The following BTBD9 variants were observed in gnomAD, a reference collection of about 807,000 sequenced individuals.
BTBD9 encodes BTB domain containing 9, also known as BTB/POZ domain-containing protein 9.
Under a neutral mutation model 64.3 loss-of-function variants are expected in BTBD9, and 49 were observed. The ratio of observed to expected loss-of-function variants is 0.76; its 90% CI spans 0.61 to 0.97. The LOEUF (loss-of-function observed/expected upper bound fraction) is 0.97, where lower values mean the gene tolerates loss of function less well. Among genes scored for constraint, BTBD9 ranks in the 50% least tolerant of loss-of-function variants. The probability of loss-of-function intolerance (pLI) is 0.00; values close to 1 mark genes in which losing one functional copy is unlikely to be tolerated. For missense variants in BTBD9, 598 were observed against 762.1 expected, an observed-to-expected ratio of 0.78 and a Z score of 2.53; for synonymous variants, 260 against 274.7, an observed-to-expected ratio of 0.95 and a Z score of 0.53.
At position 38,175,009 on chromosome 6, in the gene BTBD9, G is replaced by T. The variant is rs1413539550; in HGVS notation, c.1815C>A (p.Arg605=). Residue 605 remains arginine, a synonymous_variant, in exon 11 of 11, where the codon CGC becomes CGA. Transcript: ENST00000481247. ...SLPSSPGSNS[R]SPNRQHQ is the part of the protein sequence containing the mutation. ...TTTATTGGTGCTGCCGGTTGGGGGAGCGTGAGTTGGAGCCTGGGCTGGAGG... is the reference window on the plus strand; with the variant it reads ...TTTATTGGTGCTGCCGGTTGGGGGATCGTGAGTTGGAGCCTGGGCTGGAGG... The T allele has an allele frequency of 6.2e-7, 1 of 1,614,056 alleles. No individual in the cohort carries two copies. The highest frequency in any genetic ancestry group is 1.1e-5 in the South Asian group (1 of 91,084).
chr6:38,554,633 A>G (rs575308998), intron 6 of BTBD9, among the ~76,000 whole-genome samples: 9 of 152,356 alleles, frequency 5.9e-5, no homozygotes, highest in Non-Finnish European at 1.0e-4. Flanking sequence ...TCAACTGTGC[A>G]TTGTAATTTC....
Position 38,304,002 on chromosome 6 carries a change from A to T in BTBD9, c.1265-15541T>A, listed in dbSNP as rs570838998. On this transcript the variant is annotated intron_variant, in intron 7 of 10. Transcript: ENST00000481247. Reference sequence around the variant, plus strand: ...ATAGCATACTATTCTTTCTACTTTGATCTCGACATAATTATTCATTAATGT... The same window carrying T: ...ATAGCATACTATTCTTTCTACTTTGTTCTCGACATAATTATTCATTAATGT... Among the ~76,000 whole-genome samples the T allele has an allele frequency of 2.0e-4, 30 of 148,890 alleles. No homozygotes were observed. In the East Asian group the frequency reaches 6.0e-3, roughly 30 times the overall value.
chr6:38,282,995 G>A (rs1761578569), intron 8 of BTBD9, among the ~76,000 whole-genome samples: 1 of 152,196 alleles, frequency 6.6e-6, no homozygotes, highest in African/African-American at 2.4e-5. Flanking sequence ...CATATCCCCA[G>A]TGCCTACAAT....
At chr6:38,378,543 A>G (rs1448818268) in intron 6 of BTBD9, among the ~76,000 whole-genome samples, 1 of 151,176 alleles carries the variant, frequency 6.6e-6, no homozygotes, top group Non-Finnish European at 1.5e-5. Flanking sequence ...CCCTAAACGA[A>G]ACACTTAAAC....
chr6:38,311,441 TTG>T (rs1367340135), intron 7 of BTBD9, among the ~76,000 whole-genome samples: 1 of 152,230 alleles, frequency 6.6e-6, no homozygotes, highest in African/African-American at 2.4e-5. Flanking sequence ...AAGTGCTCCA[TTG>T]TGTGTATGTA....
chr6:38,485,072 G>T (rs531257647), intron 6 of BTBD9, among the ~76,000 whole-genome samples: 1 of 152,306 alleles, frequency 6.6e-6, no homozygotes, highest in Non-Finnish European at 1.5e-5. Flanking sequence ...AACTAAGTTT[G>T]TGTGACAGCC....
At chr6:38,333,054 G>A (rs1429289852) in intron 7 of BTBD9, among the ~76,000 whole-genome samples, 1 of 152,168 alleles carries the variant, frequency 6.6e-6, no homozygotes, top group Non-Finnish European at 1.5e-5. Flanking sequence ...GTAGGTCAGG[G>A]GTGGATGGTT....
chr6:38,449,342 A>T (rs1395630689), intron 6 of BTBD9, among the ~76,000 whole-genome samples: 1 of 152,232 alleles, frequency 6.6e-6, no homozygotes, highest in Non-Finnish European at 1.5e-5. Context: ...ACAAAGCTGG[A>T]GGCATCACAC....
chr6:38,385,338 T>C (rs1302694810), intron 6 of BTBD9, among the ~76,000 whole-genome samples: 1 of 151,524 alleles, frequency 6.6e-6, no homozygotes, highest in African/African-American at 2.4e-5. Flanking sequence ...TACAGGTGCC[T>C]GGCACCACAC....
chr6:38,532,814 G>A (rs1007081383), intron 6 of BTBD9, among the ~76,000 whole-genome samples: 1 of 151,854 alleles, frequency 6.6e-6, no homozygotes, highest in African/African-American at 2.4e-5. Context: ...CCTTGGATGA[G>A]ACTCAGCATA....
intron 8 of BTBD9, among the ~76,000 whole-genome samples, chr6:38,282,011 C>T (rs973521315): frequency 2.0e-5 from 3 of 152,086 alleles, no homozygotes; most frequent in African/African-American, 7.2e-5. Flanking sequence ...TATTTGAGTT[C>T]TCATACTAGC....
At position 38,452,883 on chromosome 6, in the gene BTBD9, G is replaced by T. The variant is rs369799341; in HGVS notation, c.1155-107790C>A. On this transcript the variant is annotated intron_variant, in intron 6 of 10. Transcript: ENST00000481247. ...TTATGCCTTTTCCTTAATGTGATACGGAAACTGAGGAAAAGGACATCAATT... is the reference window on the plus strand; with the variant it reads ...TTATGCCTTTTCCTTAATGTGATACTGAAACTGAGGAAAAGGACATCAATT... Among the ~76,000 whole-genome samples, 279 of 152,094 alleles carry T rather than the reference G, an allele frequency of 1.8e-3. 3 individuals carry two copies. Among genetic ancestry groups the T allele is most frequent in the African/African-American group, 6.4e-3 (265 of 41,520 alleles).
In BTBD9 at chr6:38,343,557, T is replaced by C. The variant is rs79090646; in HGVS notation, c.1264+1427A>G. Among the ~76,000 whole-genome samples the C allele has an allele frequency of 1.4e-3, 208 of 152,230 alleles. 1 individual carries two copies. The East Asian group carries it at 0.033, about 24-fold the overall frequency. On this transcript the variant is annotated intron_variant, in intron 7 of 10. Coordinates refer to ENST00000481247, the MANE Select transcript of BTBD9 (RefSeq NM_001099272.2). The stretch of plus-strand genomic sequence containing the variant: ...GAGGCCTACAGTCTATGGAAGAGCC[T>C]GGACAACAGGTGAAAAAGAATGCCC...
intron 6 of BTBD9, among the ~76,000 whole-genome samples, chr6:38,355,841 T>G (rs1764706928): frequency 6.6e-6 from 1 of 152,148 alleles, no homozygotes; most frequent in South Asian, 2.1e-4. Flanking sequence ...CTTCTCTCAT[T>G]TTGGTGGAGT....
At chr6:38,406,266 A>G (rs748674250) in intron 6 of BTBD9, among the ~76,000 whole-genome samples, 36 of 152,224 alleles carry the variant, frequency 2.4e-4, no homozygotes, top group Admixed American at 2.0e-3. Flanking sequence ...GCATCAGCAT[A>G]GGCCAAAGGC....
At chr6:38,539,358 C>T (rs546839517) in intron 6 of BTBD9, among the ~76,000 whole-genome samples, 1 of 152,104 alleles carries the variant, frequency 6.6e-6, no homozygotes, top group Non-Finnish European at 1.5e-5. Flanking sequence ...ATATTTATTC[C>T]TCTAAACAAA....
intron 8 of BTBD9, among the ~76,000 whole-genome samples, chr6:38,271,100 A>G (rs1765183058): frequency 6.6e-6 from 1 of 152,222 alleles, no homozygotes; most frequent in Non-Finnish European, 1.5e-5. Flanking sequence ...ACAACTTGCA[A>G]AGAAATATAA....
chr6:38,306,312 T>C (rs1302979957), intron 7 of BTBD9, among the ~76,000 whole-genome samples: 5 of 152,238 alleles, frequency 3.3e-5, no homozygotes, highest in Non-Finnish European at 5.9e-5. Flanking sequence ...CAAAACCCAG[T>C]GTCTTGTATC....
intron 6 of BTBD9, among the ~76,000 whole-genome samples, chr6:38,358,096 C>T (rs1764804278): frequency 2.6e-5 from 4 of 152,044 alleles, no homozygotes; most frequent in Admixed American, 2.0e-4. Context: ...TAACTCAGCT[C>T]ATCCTCACAC....
Sources: allele counts gnomAD v4.1 joint callset (sites outside exome capture counted in the v4.1 genomes callset), GRCh38; gene constraint gnomAD v4.1.1; transcripts MANE v1.5; gene names NCBI Gene and HGNC (gene_info 2026-07-23, HGNC 2026-07-21).